CDH7: variants seen among roughly 807,000 people sequenced by gnomAD.
CDH7 encodes the protein cadherin 7.
CDH7 carries 25 observed loss-of-function variants against 71.8 expected under a neutral mutation model. The observed-to-expected ratio is 0.35, with a 90% CI of 0.25 to 0.49. The LOEUF is 0.49. Ranked by LOEUF, CDH7 falls within the 20% of genes least tolerant of loss-of-function variation. The pLI is 0.99. For missense variants in CDH7, 862 were observed against 974.6 expected, an observed-to-expected ratio of 0.88 and a Z score of 1.54; for synonymous variants, 381 against 363.8, an observed-to-expected ratio of 1.05 and a Z score of -0.54.
At chr18:65,822,305 A>G (rs1911965063) in intron 5 of CDH7, 57 bp downstream of exon 5, 3 of 1,363,314 alleles carry the variant, frequency 2.2e-6, no homozygotes, top group African/African-American at 2.9e-5. Flanking sequence ...AGTCTATAAA[A>G]TACATCTTTA....
chr18:65,849,756 C>T (rs535506015), intron 7 of CDH7, among the ~76,000 whole-genome samples: 5 of 152,168 alleles, frequency 3.3e-5, no homozygotes, highest in African/African-American at 9.6e-5. Context: ...TTACAAAGCT[C>T]TGCTGTCAGC....
intron 11 of CDH7, chr18:65,863,589 A>G (rs578200562): frequency 2.0e-5 from 3 of 152,340 alleles, no homozygotes; most frequent in Non-Finnish European, 2.9e-5. Flanking sequence ...TGTTTTGACA[A>G]TATGCTTATT....
intron 5 of CDH7, among the ~76,000 whole-genome samples, chr18:65,824,366 T>C (rs959845914): frequency 5.3e-5 from 8 of 151,974 alleles, no homozygotes; most frequent in African/African-American, 1.9e-4. Flanking sequence ...TTTTTCAGTG[T>C]AGGATATTTC....
chr18:65,857,989 G>A, intron 8 of CDH7, 37 bp downstream of exon 8: 1 of 1,598,258 alleles, frequency 6.3e-7, no homozygotes, highest in Non-Finnish European at 8.6e-7. Context: ...TAAGATGGAG[G>A]ACAGTGAGTG....
At chr18:65,834,445 A>G (rs1912463569) in intron 6 of CDH7, among the ~76,000 whole-genome samples, 1 of 152,216 alleles carries the variant, frequency 6.6e-6, no homozygotes, top group Admixed American at 6.5e-5. Flanking sequence ...GATGAAAAGA[A>G]GGCTTTAGAC....
intron 2 of CDH7, among the ~76,000 whole-genome samples, chr18:65,795,723 A>C (rs1200001387): frequency 6.6e-6 from 1 of 152,200 alleles, no homozygotes; most frequent in African/African-American, 2.4e-5. Context: ...TTCAGGTAAC[A>C]TATTATATTG....
At position 65,889,258 on chromosome 18, in the gene CDH7, C is replaced by G. The variant is rs993665074; in HGVS notation, c.*8364C>G. On this transcript the variant is annotated 3_prime_UTR_variant, in exon 12 of 12. Coordinates refer to ENST00000397968, the MANE Select transcript of CDH7 (RefSeq NM_004361.5). ...GAGAAAAATCCCAACAACCCTTCCACCTTTTCCAAAAAGAAAAAAAAGAAA... is the reference window on the plus strand; with the variant it reads ...GAGAAAAATCCCAACAACCCTTCCAGCTTTTCCAAAAAGAAAAAAAAGAAA... 6.6e-6 allele frequency: 1 copy of G among 152,064 alleles called. No individual in the cohort carries two copies. Among genetic ancestry groups the G allele is most frequent in the Non-Finnish European group, 1.5e-5 (1 of 68,018 alleles). The allele number at this position is 152,064 out of a possible 1,614,324, so 9.4% of individuals were successfully genotyped here.
intron 2 of CDH7, among the ~76,000 whole-genome samples, chr18:65,786,909 G>A (rs564988736): frequency 6.6e-6 from 1 of 152,090 alleles, no homozygotes; most frequent in East Asian, 1.9e-4. Context: ...GGCTGGTCTC[G>A]AACTCCTGGC....
At chr18:65,796,276 C>A (rs200963820) in intron 2 of CDH7, among the ~76,000 whole-genome samples, 5 of 152,052 alleles carry the variant, frequency 3.3e-5, no homozygotes, top group Admixed American at 2.0e-4. Flanking sequence ...CTTTTTTCCA[C>A]AAGCCATTAC....
intron 2 of CDH7, among the ~76,000 whole-genome samples, chr18:65,794,583 G>C (rs1309638364): frequency 6.6e-6 from 1 of 150,436 alleles, no homozygotes; most frequent in Admixed American, 6.6e-5. Flanking sequence ...AAGGGACAAG[G>C]AGGGGTTAGA....
At chr18:65,817,097 G>A (rs184924413) in intron 4 of CDH7, among the ~76,000 whole-genome samples, 185 of 152,180 alleles carry the variant, frequency 1.2e-3, no homozygotes, top group African/African-American at 4.4e-3. Context: ...GTACAGGGTC[G>A]GAATGACGGC....
At chr18:65,832,936 A>T (rs1008168851) in intron 6 of CDH7, among the ~76,000 whole-genome samples, 1 of 152,196 alleles carries the variant, frequency 6.6e-6, no homozygotes, top group East Asian at 1.9e-4. Flanking sequence ...AGAGTAAAAA[A>T]AATGAGCATT....
intron 11 of CDH7, among the ~76,000 whole-genome samples, chr18:65,874,991 G>A (rs1449426710): frequency 2.0e-5 from 3 of 152,092 alleles, no homozygotes; most frequent in South Asian, 2.1e-4. Flanking sequence ...TGAGGCCCGC[G>A]GGCCACATGT....
intron 10 of CDH7, 117 bp downstream of exon 10, chr18:65,859,942 G>A: frequency 1.6e-6 from 1 of 634,438 alleles, no homozygotes; most frequent in Non-Finnish European, 2.8e-6. Context: ...AATAATTAAA[G>A]GGCAATGAGC....
chr18:65,878,724 G>T (rs975257256), intron 11 of CDH7, among the ~76,000 whole-genome samples: 1 of 152,138 alleles, frequency 6.6e-6, no homozygotes, highest in African/African-American at 2.4e-5. Context: ...GTACATATAT[G>T]CCCTTTTGGT....
chr18:65,781,750 A>ATTTCTTTCTTTCTTTCTTTCTTTC lies in CDH7; in HGVS notation c.210+18718_210+18719insTTTCTTTCTTTCTTTCTTTCTTTC, dbSNP rs879796330. On this transcript the variant is annotated intron_variant, in intron 2 of 11. Transcript: ENST00000397968. ...ACCTTTCTAGCTACCCTATTGGTTG[A>ATTTCTTTCTTTCTTTCTTTCTTTC]TTTCTTTCTTTCTTTCTTTCCTTCC... Among the ~76,000 whole-genome samples, 24 of 78,492 alleles carry ATTTCTTTCTTTCTTTCTTTCTTTC rather than the reference A, an allele frequency of 3.1e-4. 3 individuals are homozygous for ATTTCTTTCTTTCTTTCTTTCTTTC. The highest frequency in any genetic ancestry group is 1.3e-3 in the African/African-American group (24 of 18,438). 51.5% of individuals were successfully genotyped at this position (78,492 alleles called of 152,430 possible). A position where few individuals can be genotyped will look rare whatever the true frequency, so the allele number is the denominator to read the frequency against.
chr18:65,873,649 C>T (rs561637461), intron 11 of CDH7, among the ~76,000 whole-genome samples: 4 of 152,246 alleles, frequency 2.6e-5, no homozygotes, highest in African/African-American at 7.2e-5. Flanking sequence ...TGCTCAATAG[C>T]CACATGCAGC....
At chr18:65,800,755 C>T (rs73966306) in intron 2 of CDH7, among the ~76,000 whole-genome samples, 1 of 152,018 alleles carries the variant, frequency 6.6e-6, no homozygotes, top group Admixed American at 6.5e-5. Context: ...GTGATAAGAC[C>T]TCTTTTTATA....
At chr18:65,861,416 T>TTTTAGAA (rs563556037) in intron 10 of CDH7, among the ~76,000 whole-genome samples, 21,686 of 151,868 alleles carry the variant, frequency 0.14, 3,267 homozygotes, top group African/African-American at 0.38. Flanking sequence ...AAACTTTTTG[T>TTTTAGAA]ATCAAGTCAT....
Sources: allele counts gnomAD v4.1 joint callset (sites outside exome capture counted in the v4.1 genomes callset), GRCh38; gene constraint gnomAD v4.1.1; transcripts MANE v1.5; gene names NCBI Gene and HGNC (gene_info 2026-07-23, HGNC 2026-07-21).